Variants in STARD9 observed in about 807,000 individuals in gnomAD.
STARD9 encodes the protein StAR related lipid transfer domain containing 9, also known as stAR-related lipid transfer protein 9.
STARD9 carries 346 observed loss-of-function variants against 399.8 expected under a neutral mutation model. That is an observed-to-expected ratio of 0.87 (90% CI 0.79 to 0.95). The LOEUF is 0.95. Among genes scored for constraint, STARD9 ranks in the 40% least tolerant of loss-of-function variants. The probability of loss-of-function intolerance (pLI) is 0.00; values close to 1 mark genes in which losing one functional copy is unlikely to be tolerated. For missense variants in STARD9, 5,832 were observed against 5,667.5 expected (o/e 1.03, Z -0.93); for synonymous variants, 2,203 against 2,143.5 (o/e 1.03, Z -0.77).
rs2140202994 is a variant in STARD9 at position 42,681,452 on chromosome 15, C to T, written c.1905C>T (p.Asp635=). Residue 635 remains aspartate, a synonymous_variant, in exon 21 of 33, where the codon GAC becomes GAT. Transcript: ENST00000290607. The part of the protein sequence containing the change: ...RRALEEQCDE[D]HQTPRDGETS... ...CGCTTGAAGAGCAATGTGACGAGGA[C>T]CATCAGACACCGAGGGATGGAGAGA... The T allele has an allele frequency of 1.3e-6, 2 of 1,536,996 alleles. No individual in the cohort carries two copies. Among genetic ancestry groups the T allele is most frequent in the South Asian group, 2.4e-5 (2 of 84,024 alleles).
At chr15:42,577,573 A>G (rs1386586965) in intron 1 of STARD9, among the ~76,000 whole-genome samples, 4 of 152,210 alleles carry the variant, frequency 2.6e-5, no homozygotes, top group African/African-American at 4.8e-5. Context: ...TGAAAGCACA[A>G]TTTATTTACT....
At position 42,652,547 on chromosome 15, in the gene STARD9, G is replaced by C; in HGVS notation, c.657G>C (p.Glu219Asp). ...TCACAGCAGCCACCCATGTTCATGA[G>C]GCCAGCAGCAGATCCCACGCCATTT... is the stretch of plus-strand genomic sequence containing the variant. ...NRITAATHVH[E>D]ASSRSHAIFT... Residue 219 changes from glutamate to aspartate, a missense_variant, in exon 9 of 33, where the codon GAG becomes GAC. Around this residue, in one of 2 missense-constraint regions of STARD9, gnomAD observed 5,828 missense variants for 5,651.1 expected, o/e 1.03. Coordinates refer to ENST00000290607, the MANE Select transcript of STARD9 (RefSeq NM_020759.3). 1 of 1,537,524 alleles carries C rather than the reference G, an allele frequency of 6.5e-7. No individual in the cohort carries two copies. Among genetic ancestry groups the C allele is most frequent in the Non-Finnish European group, 8.7e-7 (1 of 1,146,978 alleles).
intron 26 of STARD9, among the ~76,000 whole-genome samples, chr15:42,705,188 G>A (rs967119845): frequency 1.3e-5 from 2 of 152,180 alleles, no homozygotes; most frequent in African/African-American, 2.4e-5. Context: ...TGTGGGCGGT[G>A]TCTCTCATCA....
chr15:42,695,994 A>G (rs557261358), intron 26 of STARD9, 114 bp downstream of exon 26: 73 of 1,126,158 alleles, frequency 6.5e-5, no homozygotes, highest in Non-Finnish European at 8.7e-5. Context: ...CCTGGAGGCC[A>G]CTGCTGACAT....
intron 3 of STARD9, among the ~76,000 whole-genome samples, chr15:42,626,202 G>C (rs1480668758): frequency 6.6e-6 from 1 of 152,172 alleles, no homozygotes; most frequent in African/African-American, 2.4e-5. Flanking sequence ...GGGATTACAG[G>C]CATGAGCCAC....
Position 42,692,735 on chromosome 15 carries a change from A to G in STARD9, c.11157A>G (p.Pro3719=). 1 of 1,537,014 alleles carries G rather than the reference A, an allele frequency of 6.5e-7. No individual in the cohort carries two copies. The highest frequency in any genetic ancestry group is 8.7e-7 in the Non-Finnish European group (1 of 1,146,852). The change falls in exon 23 of 33, where the codon CCA becomes CCG. Residue 3719 remains proline, a synonymous_variant. Coordinates refer to ENST00000290607, the MANE Select transcript of STARD9 (RefSeq NM_020759.3). ...NTKRDIPDKA[P]QALMMDGSTQ... ...AGAGGGACATCCCAGATAAAGCCCC[A>G]CAGGCCCTGATGATGGATGGCTCTA...
Position 42,687,283 on chromosome 15 carries a change from C to G in STARD9, c.5705C>G (p.Thr1902Ser). 2 of 1,536,846 alleles carry G rather than the reference C, an allele frequency of 1.3e-6. No homozygotes were observed. Among genetic ancestry groups the G allele is most frequent in the Middle Eastern group, 3.3e-4 (2 of 5,992 alleles). The change falls in exon 23 of 33, where the codon ACT (threonine) becomes AGT (serine). Residue 1902 changes from threonine (T) to serine (S), a missense_variant. By Grantham distance (58) the Thr-to-Ser change is moderately conservative (BLOSUM62 1). Around this residue, in one of 2 missense-constraint regions of STARD9, gnomAD observed 5,828 missense variants for 5,651.1 expected, o/e 1.03. Transcript: ENST00000290607. ...TGTTGCGGTGCTTCCTCAGACAGCA[C>G]TGAGTCTGGGAAGTCTCTCCTCTTT... ...QSCCGASSDS[T>S]ESGKSLLFRE...
Position 42,695,545 on chromosome 15 carries a change from G to A in STARD9, c.13147-198G>A, listed in dbSNP as rs146950523. ...GGAGGAAGAGGCTTTGGTGTGAGGT[G>A]CAGGGTGTGGGGAAATACGAGCAGT... On this transcript the variant is annotated intron_variant, in intron 25 of 32. Coordinates refer to ENST00000290607, the MANE Select transcript of STARD9 (RefSeq NM_020759.3). 7.2e-5 allele frequency among the ~76,000 whole-genome samples: 11 copies of A among 152,382 alleles called. No homozygotes were observed. In the East Asian group the frequency reaches 2.1e-3, roughly 29 times the overall value.
intron 32 of STARD9, among the ~76,000 whole-genome samples, chr15:42,719,155 G>C (rs28498538): frequency 0.025 from 3,872 of 152,264 alleles, 86 homozygotes; most frequent in South Asian, 0.091. Flanking sequence ...CTAGTGACCT[G>C]CATCCTGTGG....
At chr15:42,657,276 C>G (rs1217641939) in intron 9 of STARD9, among the ~76,000 whole-genome samples, 11 of 150,762 alleles carry the variant, frequency 7.3e-5, no homozygotes, top group Admixed American at 7.3e-4. Context: ...AGGAGAATCA[C>G]TTGAATCCAG....
intron 22 of STARD9, among the ~76,000 whole-genome samples, chr15:42,683,112 A>G (rs1162132477): frequency 6.6e-6 from 1 of 152,108 alleles, no homozygotes; most frequent in Non-Finnish European, 1.5e-5. Context: ...GCAGGGCTGT[A>G]TTATCTCCCA....
Position 42,690,546 on chromosome 15 carries a change from G to C in STARD9, c.8968G>C (p.Ala2990Pro), listed in dbSNP as rs1212941609. The C allele has an allele frequency of 3.8e-5, 58 of 1,537,002 alleles. No homozygotes were observed. The highest frequency in any genetic ancestry group is 1.5e-5 in the Non-Finnish European group (17 of 1,146,862). ...GDLGKEPFKA[A>P]PHTIHPPCVV... ...CCTAGGGAAGGAGCCTTTCAAGGCT[G>C]CCCCACATACTATCCACCCACCCTG... The change falls in exon 23 of 33, where the codon GCC becomes CCC. Residue 2990 changes from alanine (A) to proline (P), a missense_variant. Ala to Pro is a conservative substitution (Grantham distance 27). Coordinates refer to ENST00000290607, the MANE Select transcript of STARD9 (RefSeq NM_020759.3).
At chr15:42,631,816 A>T (rs2059337785) in intron 3 of STARD9, among the ~76,000 whole-genome samples, 1 of 151,964 alleles carries the variant, frequency 6.6e-6, no homozygotes, top group Admixed American at 6.6e-5. Flanking sequence ...CCTTTCAGGA[A>T]GATTTTTTTT....
chr15:42,673,513 C>A (rs115361836), intron 16 of STARD9, among the ~76,000 whole-genome samples: 4,203 of 152,200 alleles, frequency 0.028, 179 homozygotes, highest in African/African-American at 0.089. Context: ...CTAGTTATAG[C>A]TCTTCTATTT....
Position 42,718,528 on chromosome 15 carries a change from T to C in STARD9, c.13842+14T>C, listed in dbSNP as rs1322098291. On this transcript the variant is annotated intron_variant, in intron 31 of 32. Coordinates refer to ENST00000290607, the MANE Select transcript of STARD9 (RefSeq NM_020759.3). ...GAAGCCAAAGAGGTGCCTGCCTTGG[T>C]GGTAAAGATGTTGTGGGAAGAACTT... 2.6e-6 allele frequency: 4 copies of C among 1,536,020 alleles called. No homozygotes were observed. The East Asian group carries it at 7.3e-5, about 28-fold the overall frequency.
At chr15:42,653,152 C>T (rs950491380) in intron 9 of STARD9, among the ~76,000 whole-genome samples, 14 of 152,226 alleles carry the variant, frequency 9.2e-5, no homozygotes, top group African/African-American at 2.4e-4. Context: ...CATTTTAAAA[C>T]GCTTTCACAT....
chr15:42,629,474 G>T (rs974090072), intron 3 of STARD9, among the ~76,000 whole-genome samples: 1 of 152,130 alleles, frequency 6.6e-6, no homozygotes, highest in Non-Finnish European at 1.5e-5. Flanking sequence ...TGTTGATTTT[G>T]TATCTTGCAA....
Position 42,694,020 on chromosome 15 carries a change from G to A in STARD9, c.12442G>A (p.Val4148Ile). 6.5e-7 allele frequency: 1 copy of A among 1,530,630 alleles called. No individual in the cohort carries two copies. Among genetic ancestry groups the A allele is most frequent in the Non-Finnish European group, 8.7e-7 (1 of 1,143,842 alleles). 94.8% of individuals were successfully genotyped at this position (1,530,630 alleles called of 1,614,324 possible). ...VHNKFSNWCG[V>I]QKGSPGGLDM... ...TAACAAATTTAGTAACTGGTGTGGGGTTCAGAAGGGCTCACCTGGGGGGTT... is the reference window on the plus strand; with the variant it reads ...TAACAAATTTAGTAACTGGTGTGGGATTCAGAAGGGCTCACCTGGGGGGTT... The change falls in exon 23 of 33, where the codon GTT (valine) becomes ATT (isoleucine). Residue 4148 changes from valine (V) to isoleucine (I), a missense_variant. Coordinates refer to ENST00000290607, the MANE Select transcript of STARD9 (RefSeq NM_020759.3).
rs2060635089 is a variant in STARD9 at position 42,689,320 on chromosome 15, T to C, written c.7742T>C (p.Leu2581Ser). Residue 2581 changes from leucine (L) to serine (S), a missense_variant, in exon 23 of 33, where the codon TTA (leucine) becomes TCA (serine). Around this residue, in one of 2 missense-constraint regions of STARD9, gnomAD observed 5,828 missense variants for 5,651.1 expected, o/e 1.03. Coordinates refer to ENST00000290607, the MANE Select transcript of STARD9 (RefSeq NM_020759.3). The stretch of plus-strand genomic sequence containing the variant: ...ACAGTCCTTTCTTACTGTGAAACTT[T>C]ACTAGAACCCGAATGTTCTTCAAGG... ...RGTVLSYCET[L>S]LEPECSSRVA... 3 of 1,537,170 alleles carry C rather than the reference T, an allele frequency of 2.0e-6. No homozygotes were observed. The highest frequency in any genetic ancestry group is 2.7e-5 in the African/African-American group (2 of 73,056).
Sources: allele counts gnomAD v4.1 joint callset (sites outside exome capture counted in the v4.1 genomes callset), GRCh38; gene constraint gnomAD v4.1.1; regional missense constraint gnomAD v4.1.1; transcripts MANE v1.5; gene names NCBI Gene and HGNC (gene_info 2026-07-23, HGNC 2026-07-21).